CELF2: variants seen among roughly 807,000 people sequenced by gnomAD.
CELF2 encodes the protein CUGBP Elav-like family member 2, also known as CUG triplet repeat RNA-binding protein 2.
A neutral mutation model predicts 62.6 loss-of-function variants in CELF2; 8 were observed. That is an observed-to-expected ratio of 0.13 (90% CI 0.07 to 0.23). The LOEUF (loss-of-function observed/expected upper bound fraction) is 0.23, where lower values mean the gene tolerates loss of function less well. Ranked by LOEUF, CELF2 falls within the 10% of genes least tolerant of loss-of-function variation. The pLI is 1.00. For missense variants in CELF2, 333 were observed against 671.0 expected (o/e 0.50, Z 5.56); for synonymous variants, 258 against 250.0 (o/e 1.03, Z -0.30).
At chr10:11,253,306 G>A (rs1374409024) in intron 4 of CELF2, among the ~76,000 whole-genome samples, 1 of 152,218 alleles carries the variant, frequency 6.6e-6, no homozygotes, top group Non-Finnish European at 1.5e-5. Context: ...AGCCTGCTGT[G>A]TGTGTCTCTC....
upstream of CELF2, chr10:10,796,833 A>C (rs952006776): frequency 4.0e-5 from 38 of 945,622 alleles, no homozygotes; most frequent in Non-Finnish European, 4.5e-5. Context: ...CTGTGGTCTG[A>C]GATTCACAGT....
chr10:10,787,155 C>T, the CELF2 span, among the ~76,000 whole-genome samples: 1 of 151,650 alleles, frequency 6.6e-6, no homozygotes, highest in African/African-American at 2.4e-5. Flanking sequence ...TTCATTGAAA[C>T]ATTGTCAACC....
At chr10:10,737,650 A>G in the CELF2 span, among the ~76,000 whole-genome samples, 3 of 151,960 alleles carry the variant, frequency 2.0e-5, no homozygotes, top group African/African-American at 7.3e-5. Context: ...TTTGCTCTGA[A>G]TAAATCATCT....
At position 11,164,732 on chromosome 10, in the gene CELF2, A is replaced by G. The variant is rs541294852; in HGVS notation, c.75-754A>G. Among the ~76,000 whole-genome samples the G allele has an allele frequency of 1.3e-3, 200 of 151,670 alleles. 2 individuals are homozygous for G. The Middle Eastern group carries it at 0.024, about 18-fold the overall frequency. ...GATCTCCTTTGCCTCTCTGAATTAA[A>G]CCCTTTGTGCCTGGGTCCCATAAAC... is the stretch of plus-strand genomic sequence containing the variant. On this transcript the variant is annotated intron_variant, in intron 1 of 12. Coordinates refer to ENST00000633077, the MANE Select transcript of CELF2 (RefSeq NM_001326342.2).
chr10:10,694,670 G>A, the CELF2 span, among the ~76,000 whole-genome samples: 9 of 151,466 alleles, frequency 5.9e-5, no homozygotes, highest in African/African-American at 2.2e-4. Context: ...GGTCACTCAG[G>A]ACTTGCTTTA....
chr10:10,937,581 T>A (rs2046569094), intron 2 of CELF2: 1 of 152,170 alleles, frequency 6.6e-6, no homozygotes. Flanking sequence ...GAAAAGAACT[T>A]GAGAAAGGCA....
chr10:11,282,693 A>C (rs1221647700), intron 8 of CELF2, among the ~76,000 whole-genome samples: 2 of 152,194 alleles, frequency 1.3e-5, no homozygotes, highest in Non-Finnish European at 2.9e-5. Flanking sequence ...CGCACTTTAC[A>C]CTTGAAAACC....
chr10:10,718,518 G>A, the CELF2 span, among the ~76,000 whole-genome samples: 1 of 151,930 alleles, frequency 6.6e-6, no homozygotes, highest in African/African-American at 2.4e-5. Flanking sequence ...CAGCTACTTG[G>A]GAGGCGGAGA....
chr10:10,725,664 G>T, the CELF2 span, among the ~76,000 whole-genome samples: 6 of 152,068 alleles, frequency 3.9e-5, no homozygotes, highest in Admixed American at 6.6e-5. Context: ...GTCAACTTGG[G>T]CCAATAATAC....
chr10:10,979,207 C>G (rs997341452), intron 2 of CELF2, among the ~76,000 whole-genome samples: 7 of 152,120 alleles, frequency 4.6e-5, no homozygotes, highest in African/African-American at 1.4e-4. Flanking sequence ...GTATCAGGAG[C>G]GGTAACATTT....
At chr10:10,848,107 C>G (rs569223083) in intron 1 of CELF2, among the ~76,000 whole-genome samples, 1 of 152,278 alleles carries the variant, frequency 6.6e-6, no homozygotes, top group South Asian at 2.1e-4. Flanking sequence ...TTGTGCATAT[C>G]AGTTCAGACT....
At chr10:10,853,917 T>C (rs1330848439) in intron 1 of CELF2, among the ~76,000 whole-genome samples, 1 of 152,188 alleles carries the variant, frequency 6.6e-6, no homozygotes, top group Non-Finnish European at 1.5e-5. Context: ...ACTTCGCATG[T>C]ACGAAAGTCA....
the CELF2 span, among the ~76,000 whole-genome samples, chr10:10,768,206 T>G: frequency 2.0e-5 from 3 of 150,658 alleles, no homozygotes. Flanking sequence ...AGCCCCTGCA[T>G]CCAATTGGTG....
chr10:10,597,298 TAC>T, the CELF2 span, among the ~76,000 whole-genome samples: 1 of 152,222 alleles, frequency 6.6e-6, no homozygotes, highest in Admixed American at 6.5e-5. Context: ...TGATTGATAG[TAC>T]ATTAGAAATG....
intron 1 of CELF2, among the ~76,000 whole-genome samples, chr10:11,103,697 G>T (rs1184012684): frequency 6.6e-6 from 1 of 151,982 alleles, no homozygotes; most frequent in African/African-American, 2.4e-5. Flanking sequence ...TGCAGGGGTG[G>T]TATTGGTTAT....
At chr10:11,257,923 T>A in intron 5 of CELF2, 51 bp downstream of exon 5, 2 of 1,604,556 alleles carry the variant, frequency 1.2e-6, no homozygotes, top group South Asian at 2.2e-5. Context: ...ATTGGAGCTC[T>A]GTGTCACAGT....
chr10:11,136,648 C>T (rs1367174660), intron 1 of CELF2, among the ~76,000 whole-genome samples: 1 of 151,928 alleles, frequency 6.6e-6, no homozygotes, highest in Non-Finnish European at 1.5e-5. Flanking sequence ...AAGAAAAAAA[C>T]GAAGTTAAAC....
Position 11,207,277 on chromosome 10 carries a change from C to T in CELF2, c.272-10148C>T, listed in dbSNP as rs10795851. Among the ~76,000 whole-genome samples, 112,702 of 151,854 alleles carry T rather than the reference C, an allele frequency of 0.74. 42,769 individuals carry two copies. The highest frequency in any genetic ancestry group is 0.8 in the Non-Finnish European group (54,312 of 67,910). Reference sequence around the variant, plus strand: ...GGAAAGAAAGAAACTCCATTTTCCTCGCAGAAAACAGGGAGCTTGCTAGTC... The same window carrying T: ...GGAAAGAAAGAAACTCCATTTTCCTTGCAGAAAACAGGGAGCTTGCTAGTC... On this transcript the variant is annotated intron_variant, in intron 2 of 12. Coordinates refer to ENST00000633077, the MANE Select transcript of CELF2 (RefSeq NM_001326342.2). The surrounding 1 kb of genome is among the most constrained non-coding windows in gnomAD (Gnocchi z 4.1).
At chr10:10,669,899 C>CTTTT in the CELF2 span, among the ~76,000 whole-genome samples, 117 of 84,182 alleles carry the variant, frequency 1.4e-3, 1 homozygote, top group African/African-American at 5.0e-3. Context: ...TCTTATATGC[C>CTTTT]TTTTTTTTTT....
Sources: gnomAD v4.1 joint callset for allele counts (sites outside exome capture counted in the v4.1 genomes callset) on GRCh38, gnomAD v4.1.1 for gene constraint, Gnocchi (gnomAD v3.1) non-coding constraint, MANE v1.5 for transcripts, NCBI Gene and HGNC (gene_info 2026-07-23, HGNC 2026-07-21) for gene names.